The following CDC42BPB variants were observed in gnomAD, a reference collection of about 807,000 sequenced individuals.
The protein encoded by CDC42BPB is serine/threonine-protein kinase MRCK beta.
Under a neutral mutation model 214.9 loss-of-function variants are expected in CDC42BPB, and 37 were observed. The ratio of observed to expected loss-of-function variants is 0.17; its 90% CI spans 0.13 to 0.23. The LOEUF is 0.23. CDC42BPB is among the 10% of genes least tolerant of loss of function. The pLI, the probability that CDC42BPB is intolerant of heterozygous loss-of-function variation, is 1.00. For synonymous variants in CDC42BPB, 931 were observed against 884.0 expected, an observed-to-expected ratio of 1.05 and a Z score of -0.94; for missense variants, 1,694 against 2,227.0, an observed-to-expected ratio of 0.76 and a Z score of 4.82.
chr14:102,945,734 G>C lies in CDC42BPB; in HGVS notation c.3749-10C>G. On this transcript the variant is annotated splice_polypyrimidine_tract_variant and intron_variant, in intron 28 of 36. Coordinates refer to ENST00000361246, the MANE Select transcript of CDC42BPB (RefSeq NM_006035.4). Reference sequence around the variant, plus strand: ...GCAATCCTGTCTGCATCTGTGGAGGGGTAAGTAACATACACAAAGTCAGTA... The same window carrying C: ...GCAATCCTGTCTGCATCTGTGGAGGCGTAAGTAACATACACAAAGTCAGTA... 1 of 1,612,066 alleles carries C rather than the reference G, an allele frequency of 6.2e-7. No individual in the cohort carries two copies. Among genetic ancestry groups the C allele is most frequent in the Non-Finnish European group, 8.5e-7 (1 of 1,179,228 alleles).
At chr14:102,955,685 A>G (rs1269300591) in intron 21 of CDC42BPB, among the ~76,000 whole-genome samples, 1 of 152,254 alleles carries the variant, frequency 6.6e-6, no homozygotes, top group Non-Finnish European at 1.5e-5. Flanking sequence ...CCTGAAACTA[A>G]TAGTTTATCA....
In CDC42BPB at chr14:102,970,298, C is replaced by T. The variant is rs140922079; in HGVS notation, c.1885-37G>A. 2.3e-4 allele frequency: 368 copies of T among 1,578,732 alleles called. No homozygotes were observed. The African/African-American group carries it at 4.1e-3, about 18-fold the overall frequency. ...AGATCCAGTTTCTATTAACAAAAAGCGAGCCCTGCTTCACCAGTTACAGCA... is the reference window on the plus strand; with the variant it reads ...AGATCCAGTTTCTATTAACAAAAAGTGAGCCCTGCTTCACCAGTTACAGCA... On this transcript the variant is annotated intron_variant, in intron 13 of 36. Transcript: ENST00000361246.
chr14:102,981,992 T>A (rs186335565), intron 7 of CDC42BPB, among the ~76,000 whole-genome samples: 9 of 152,270 alleles, frequency 5.9e-5, no homozygotes, highest in Admixed American at 5.9e-4. Context: ...ACCTCTGTCA[T>A]CTACAGAAAG....
At chr14:103,045,241 T>C (rs1196702624) in intron 1 of CDC42BPB, among the ~76,000 whole-genome samples, 2 of 152,140 alleles carry the variant, frequency 1.3e-5, no homozygotes, top group Non-Finnish European at 1.5e-5. Context: ...CGCTACGTTA[T>C]TTATGTTTTT....
Position 102,950,500 on chromosome 14 carries a change from C to T in CDC42BPB, c.3275G>A (p.Arg1092Gln), listed in dbSNP as rs946145684. The T allele has an allele frequency of 2.5e-6, 4 of 1,613,288 alleles. No individual in the cohort carries two copies. Among genetic ancestry groups the T allele is most frequent in the South Asian group, 1.1e-5 (1 of 91,074 alleles). The change falls in exon 25 of 37, where the codon CGA (arginine) becomes CAA (glutamine). Residue 1092 changes from arginine to glutamine, a missense_variant. Around this residue, in one of 7 missense-constraint regions of CDC42BPB, gnomAD observed 567 missense variants for 790.3 expected, o/e 0.72. Transcript: ENST00000361246. Reference sequence around the variant, plus strand: ...GCCTTTGTAGGCTGTTCCGATGCCTCGCTGCACGTCCACGCCCAGAGGCCT... The same window carrying T: ...GCCTTTGTAGGCTGTTCCGATGCCTTGCTGCACGTCCACGCCCAGAGGCCT... ...SKRPLGVDVQ[R>Q]GIGTAYKGHV...
rs143161317 is a variant in CDC42BPB, at chr14:102,967,278, G to A, written c.2347-108C>T. ...AAGACTCTGAAAGTTTTCTTTAATC[G>A]TCATGAGATTTTTCCAAACTAAGTT... is the stretch of plus-strand genomic sequence containing the variant. On this transcript the variant is annotated intron_variant, in intron 16 of 36. Coordinates refer to ENST00000361246, the MANE Select transcript of CDC42BPB (RefSeq NM_006035.4). 151 of 1,436,390 alleles carry A rather than the reference G, an allele frequency of 1.1e-4. No homozygotes were observed. The East Asian group carries it at 1.9e-3, about 18-fold the overall frequency. 89.0% of individuals were successfully genotyped at this position (1,436,390 alleles called of 1,614,324 possible).
At chr14:103,056,933 G>A in intron 1 of CDC42BPB, 66 bp downstream of exon 1, 1 of 1,164,364 alleles carries the variant, frequency 8.6e-7, no homozygotes, top group Non-Finnish European at 1.1e-6. Flanking sequence ...GGCGGGCGTG[G>A]GGATGCGCGG....
chr14:102,974,391 G>A lies in CDC42BPB; in HGVS notation c.1508-242C>T, dbSNP rs35687164. The A allele has an allele frequency of 6.2e-3, 6,052 of 982,760 alleles. 259 individuals carry two copies. In the African/African-American group the frequency reaches 0.096, roughly 16 times the overall value. The allele number at this position is 982,760 out of a possible 1,614,324, so 60.9% of individuals were successfully genotyped here. ...CTAGACTTTACTCTGATCTGACAGC[G>A]ATCTCCCCTGAGCACTGGGAGCCCT... On this transcript the variant is annotated intron_variant, in intron 11 of 36. Transcript: ENST00000361246.
chr14:102,947,913 C>A, intron 26 of CDC42BPB, 111 bp from the exon 27 acceptor site: 1 of 1,568,498 alleles, frequency 6.4e-7, no homozygotes. Context: ...CCGTGTTCTG[C>A]AGTGGAGGGC....
chr14:103,008,858 C>G (rs1885995603), intron 2 of CDC42BPB: 2 of 161,628 alleles, frequency 1.2e-5, no homozygotes, highest in South Asian at 4.0e-4. Context: ...TATGAGGACC[C>G]ATGAGCACTG....
At chr14:103,040,583 C>T (rs546000436) in intron 1 of CDC42BPB, among the ~76,000 whole-genome samples, 5 of 151,872 alleles carry the variant, frequency 3.3e-5, no homozygotes, top group Non-Finnish European at 5.9e-5. Context: ...CTCAGCCTCC[C>T]GAGTAGGTGG....
intron 1 of CDC42BPB, among the ~76,000 whole-genome samples, chr14:103,039,549 A>C (rs1000842679): frequency 1.3e-5 from 2 of 152,190 alleles, no homozygotes; most frequent in African/African-American, 4.8e-5. Flanking sequence ...TGGATGCAGA[A>C]AAATCACGAC....
In CDC42BPB at chr14:102,966,392, A is replaced by G; in HGVS notation, c.2472-5T>C. 6.2e-7 allele frequency: 1 copy of G among 1,613,104 alleles called. No individual in the cohort carries two copies. Among genetic ancestry groups the G allele is most frequent in the South Asian group, 1.1e-5 (1 of 91,024 alleles). On this transcript the variant is annotated splice_polypyrimidine_tract_variant and splice_region_variant and intron_variant, in intron 17 of 36. Transcript: ENST00000361246. ...GCATCTTTCTCGTCACTGACCCTGG[A>G]GGAGGGAACAGATGTTCTATCTCAC...
chr14:103,008,446 T>C (rs1406617285), intron 3 of CDC42BPB, 26 bp downstream of exon 3: 7 of 1,471,926 alleles, frequency 4.8e-6, no homozygotes, highest in South Asian at 1.1e-5. Context: ...GCCCCATTTG[T>C]ATGGCTTTTC....
intron 5 of CDC42BPB, among the ~76,000 whole-genome samples, chr14:102,988,009 A>ACGCACGCACTAGACAAAAGCAT (rs1894326962): frequency 6.6e-6 from 1 of 152,128 alleles, no homozygotes; most frequent in Non-Finnish European, 1.5e-5. Context: ...ACAAACACAC[A>ACGCACGCACTAGACAAAAGCAT]CGCACGCACT....
At chr14:102,966,408 T>C (rs1443786625) in intron 17 of CDC42BPB, 21 bp from the exon 18 acceptor site, 2 of 1,611,614 alleles carry the variant, frequency 1.2e-6, no homozygotes, top group Admixed American at 1.7e-5. Context: ...GAACAGATGT[T>C]CTATCTCACG....
chr14:102,949,124 G>A (rs1287422539), intron 26 of CDC42BPB, among the ~76,000 whole-genome samples: 7 of 152,226 alleles, frequency 4.6e-5, no homozygotes, highest in African/African-American at 1.7e-4. Context: ...ATGGCTCCGT[G>A]TGCAGGCCCC....
At chr14:102,958,963 G>C (rs1892833033) in intron 21 of CDC42BPB, among the ~76,000 whole-genome samples, 1 of 143,136 alleles carries the variant, frequency 7.0e-6, no homozygotes, top group Admixed American at 6.9e-5. Context: ...GTGAGCCACT[G>C]CACCCATCCC....
intron 29 of CDC42BPB, chr14:102,945,436 C>T: frequency 3.5e-6 from 2 of 564,078 alleles, no homozygotes; most frequent in East Asian, 6.3e-5. Context: ...CTTGACCCCC[C>T]ACCCACTCCC....
Sources: allele counts gnomAD v4.1 joint callset (sites outside exome capture counted in the v4.1 genomes callset), GRCh38; gene constraint gnomAD v4.1.1; regional missense constraint gnomAD v4.1.1; transcripts MANE v1.5; gene names NCBI Gene and HGNC (gene_info 2026-07-23, HGNC 2026-07-21).